The following CRYBG1 variants were observed in gnomAD, a reference collection of about 807,000 sequenced individuals.
CRYBG1 encodes the protein beta/gamma crystallin domain-containing protein 1.
Under a neutral mutation model 189.2 loss-of-function variants are expected in CRYBG1, and 139 were observed. That is an observed-to-expected ratio of 0.73 (90% CI 0.64 to 0.85). The LOEUF (loss-of-function observed/expected upper bound fraction) is 0.85, where lower values mean the gene tolerates loss of function less well. Among genes scored for constraint, CRYBG1 ranks in the 40% least tolerant of loss-of-function variants. The pLI, the probability that CRYBG1 is intolerant of heterozygous loss-of-function variation, is 0.00. For missense variants in CRYBG1, 2,611 were observed against 2,675.8 expected, an observed-to-expected ratio of 0.98 and a Z score of 0.53; for synonymous variants, 1,023 against 1,017.1, an observed-to-expected ratio of 1.01 and a Z score of -0.11.
At chr6:106,387,940 T>C (rs1252065461) in intron 1 of CRYBG1, among the ~76,000 whole-genome samples, 1 of 152,208 alleles carries the variant, frequency 6.6e-6, no homozygotes, top group Non-Finnish European at 1.5e-5. Flanking sequence ...ATTGGAGCAA[T>C]TATTTCAGGT....
At chr6:106,436,715 T>C (rs1340866584) in intron 1 of CRYBG1, among the ~76,000 whole-genome samples, 3 of 152,162 alleles carry the variant, frequency 2.0e-5, no homozygotes, top group South Asian at 4.1e-4. Flanking sequence ...CCTGAATGGG[T>C]TTTTTGCAAA....
intron 1 of CRYBG1, among the ~76,000 whole-genome samples, chr6:106,403,543 G>A (rs982866043): frequency 3.3e-5 from 5 of 152,216 alleles, no homozygotes; most frequent in Non-Finnish European, 7.4e-5. Context: ...ACAGTGCGGA[G>A]CACCACTTTC....
At chr6:106,503,178 A>T (rs574158166) in intron 2 of CRYBG1, among the ~76,000 whole-genome samples, 1 of 152,306 alleles carries the variant, frequency 6.6e-6, no homozygotes, top group East Asian at 1.9e-4. Flanking sequence ...TTAGGGGGGA[A>T]ATCAGGGCCT....
chr6:106,561,328 G>A lies in CRYBG1; in HGVS notation c.5980-14G>A, dbSNP rs1352479730. On this transcript the variant is annotated splice_polypyrimidine_tract_variant and intron_variant, in intron 19 of 21. Transcript: ENST00000633556. ...ACATCTGGTATAACAACTGCTGGGG[G>A]TTTTGTCTTCTAGAAGCGAATTTAT... 2.5e-6 allele frequency: 4 copies of A among 1,612,532 alleles called. No homozygotes were observed. The highest frequency in any genetic ancestry group is 3.4e-6 in the Non-Finnish European group (4 of 1,179,268).
chr6:106,481,665 C>T (rs1287147487), intron 2 of CRYBG1, among the ~76,000 whole-genome samples: 1 of 152,078 alleles, frequency 6.6e-6, no homozygotes, highest in African/African-American at 2.4e-5. Context: ...TGTTGGGGGT[C>T]AAACAAAGGG....
intron 4 of CRYBG1, among the ~76,000 whole-genome samples, chr6:106,522,416 T>C (rs898073904): frequency 6.6e-6 from 1 of 152,232 alleles, no homozygotes; most frequent in Non-Finnish European, 1.5e-5. Context: ...TTTTCTTAAA[T>C]ATTAGAGAGA....
chr6:106,561,208 A>G, intron 19 of CRYBG1, 134 bp from the exon 20 acceptor site: 6 of 1,078,854 alleles, frequency 5.6e-6, no homozygotes, highest in Non-Finnish European at 7.8e-6. Context: ...GAAAATTTAA[A>G]ACCTCTGAGA....
intron 2 of CRYBG1, among the ~76,000 whole-genome samples, chr6:106,510,599 C>CACGT (rs1358084309): frequency 6.6e-5 from 10 of 152,230 alleles, no homozygotes; most frequent in Non-Finnish European, 1.2e-4. Context: ...TGGCGAGGAA[C>CACGT]GGGTCCCGGG....
At chr6:106,495,526 G>C (rs1411352349) in intron 2 of CRYBG1, among the ~76,000 whole-genome samples, 1 of 150,116 alleles carries the variant, frequency 6.7e-6, no homozygotes, top group African/African-American at 2.4e-5. Flanking sequence ...TCTAGATCTG[G>C]TAGTTTTGGG....
At chr6:106,404,917 C>A (rs1208444209) in intron 1 of CRYBG1, among the ~76,000 whole-genome samples, 1 of 152,156 alleles carries the variant, frequency 6.6e-6, no homozygotes, top group Non-Finnish European at 1.5e-5. Flanking sequence ...TGTGCCTACA[C>A]CACCAGGACC....
At chr6:106,454,722 C>T (rs1771849618) in intron 2 of CRYBG1, 1 of 152,186 alleles carries the variant, frequency 6.6e-6, no homozygotes, top group African/African-American at 2.4e-5. Context: ...ATAACTGTTC[C>T]ATATGTTCTA....
At chr6:106,566,896 T>C (rs1461814548) in intron 21 of CRYBG1, among the ~76,000 whole-genome samples, 1 of 152,212 alleles carries the variant, frequency 6.6e-6, no homozygotes. Context: ...GCTCATCTTC[T>C]TGTGTTTGGG....
Position 106,407,493 on chromosome 6 carries a change from C to A in CRYBG1, c.174-44201C>A, listed in dbSNP as rs1172393989. ...ACAGATCAACGAGACAGAAAATTAA[C>A]AAGGATATTCAGGACTCGAACTCAG... On this transcript the variant is annotated intron_variant, in intron 1 of 21. Transcript: ENST00000633556. Among the ~76,000 whole-genome samples, 3 of 152,156 alleles carry A rather than the reference C, an allele frequency of 2.0e-5. No homozygotes were observed. In the East Asian group the frequency reaches 5.8e-4, roughly 29 times the overall value.
At chr6:106,419,565 G>A (rs958835219) in intron 1 of CRYBG1, among the ~76,000 whole-genome samples, 2 of 152,136 alleles carry the variant, frequency 1.3e-5, no homozygotes, top group Admixed American at 1.3e-4. Context: ...AAAATTTTTT[G>A]TAGAGATGGG....
chr6:106,519,003 ACACAC>A, intron 3 of CRYBG1, 123 bp from the exon 4 acceptor site: 58 of 989,950 alleles, frequency 5.9e-5, no homozygotes, highest in Middle Eastern at 3.0e-4. Context: ...ACACACACAC[ACACAC>A]CACACTCCAA....
At chr6:106,503,120 T>C (rs1773044065) in intron 2 of CRYBG1, among the ~76,000 whole-genome samples, 1 of 152,090 alleles carries the variant, frequency 6.6e-6, no homozygotes, top group Non-Finnish European at 1.5e-5. Flanking sequence ...GAAGCCCTGG[T>C]CACACCCAGC....
At position 106,520,867 on chromosome 6, in the gene CRYBG1, A is replaced by G. The variant is rs776050416; in HGVS notation, c.3659A>G (p.Asn1220Ser). Residue 1220 changes from asparagine (N) to serine (S), a missense_variant, in exon 4 of 22, where the codon AAT becomes AGT. By Grantham distance (46) the Asn-to-Ser change is conservative. Transcript: ENST00000633556. ...GAGCCTCTGGTGATGCCGGAAATCA[A>G]TGACAAAGAGAACAGGGACGTCACA... ...NSEPLVMPEINDKENRDVTNG... is the reference protein window; with the variant it reads ...NSEPLVMPEISDKENRDVTNG... 9.3e-6 allele frequency: 15 copies of G among 1,614,088 alleles called. No individual in the cohort carries two copies. The East Asian group carries it at 3.3e-4, about 36-fold the overall frequency.
At chr6:106,374,033 G>A (rs1035933971) in intron 1 of CRYBG1, among the ~76,000 whole-genome samples, 6 of 152,206 alleles carry the variant, frequency 3.9e-5, no homozygotes, top group Non-Finnish European at 7.3e-5. Flanking sequence ...AGAAAGGTAA[G>A]TAACTGTGAT....
rs1381730223 is a variant in CRYBG1 at position 106,563,851 on chromosome 6, A to G, written c.6226A>G (p.Ser2076Gly). 21 of 1,613,878 alleles carry G rather than the reference A, an allele frequency of 1.3e-5. No homozygotes were observed. The highest frequency in any genetic ancestry group is 1.8e-5 in the Non-Finnish European group (21 of 1,179,728). ...LGLALDQNAD[S>G]QFWSLKSDGR... The stretch of plus-strand genomic sequence containing the variant: ...CCTGGCCCTGGACCAGAATGCTGAC[A>G]GCCAGTTCTGGAGCTTGAAGTCCGA... The change falls in exon 21 of 22, where the codon AGC becomes GGC. Residue 2076 changes from serine to glycine, a missense_variant. Physicochemically the swap from Ser to Gly is moderately conservative, Grantham distance 56. Transcript: ENST00000633556.
Sources: gnomAD v4.1 joint callset for allele counts (sites outside exome capture counted in the v4.1 genomes callset) on GRCh38, gnomAD v4.1.1 for gene constraint, MANE v1.5 for transcripts, NCBI Gene and HGNC (gene_info 2026-07-23, HGNC 2026-07-21) for gene names.